Variants in SRF observed in about 807,000 individuals in gnomAD.
SRF encodes the protein c-fos serum response element-binding transcription factor.
SRF carries 7 observed loss-of-function variants against 37.1 expected under a neutral mutation model. The ratio of observed to expected loss-of-function variants is 0.19; its 90% confidence interval spans 0.11 to 0.35. SRF has a LOEUF of 0.35. SRF is among the 10% of genes least tolerant of loss of function. The probability of loss-of-function intolerance (pLI) is 1.00; values close to 1 mark genes in which losing one functional copy is unlikely to be tolerated. For synonymous variants in SRF, 285 were observed against 310.1 expected, an observed-to-expected ratio of 0.92 and a Z score of 0.85; for missense variants, 395 against 694.4, an observed-to-expected ratio of 0.57 and a Z score of 4.85.
chr6:43,176,783 T>C lies in SRF; in HGVS notation c.1162+116T>C, dbSNP rs920734477. The C allele has an allele frequency of 3.1e-5, 45 of 1,451,448 alleles. No individual in the cohort carries two copies. The highest frequency in any genetic ancestry group is 4.0e-5 in the Non-Finnish European group (43 of 1,069,208). The allele number at this position is 1,451,448 out of a possible 1,614,324, so 89.9% of individuals were successfully genotyped here. ...GTCAGGGGATTTCTTAAAGTGGAGA[T>C]TGAGGCTTTGGGCCTAATAATTATG... On this transcript the variant is annotated intron_variant, in intron 4 of 6. Transcript: ENST00000265354. This position sits in a 1 kb window ranked among gnomAD's most constrained non-coding sequence, Gnocchi z 4.0.
chr6:43,174,611 G>A (rs777649514), intron 2 of SRF, among the ~76,000 whole-genome samples: 12 of 152,246 alleles, frequency 7.9e-5, no homozygotes, highest in Admixed American at 2.0e-4. Flanking sequence ...CCTGCTGCTA[G>A]GGATGCCTGC....
chr6:43,181,279 G>A lies in SRF; in HGVS notation c.*2089G>A, dbSNP rs1772332575. The A allele has an allele frequency of 6.5e-6, 1 of 152,914 alleles. No homozygotes were observed. Among genetic ancestry groups the A allele is most frequent in the Non-Finnish European group, 1.5e-5 (1 of 68,172 alleles). The allele number at this position is 152,914 out of a possible 1,614,324, so 9.5% of individuals were successfully genotyped here. ...AGTTGAGGTGATATTTTTATGTGCA[G>A]CGACCCTTGGTGTTTCCCTTCCTCG... On this transcript the variant is annotated 3_prime_UTR_variant, in exon 7 of 7. Coordinates refer to ENST00000265354, the MANE Select transcript of SRF (RefSeq NM_003131.4).
chr6:43,176,009 C>A lies in SRF; in HGVS notation c.1042+42C>A, dbSNP rs751251776. 1.9e-6 allele frequency: 3 copies of A among 1,596,160 alleles called. No individual in the cohort carries two copies. The highest frequency in any genetic ancestry group is 1.1e-5 in the South Asian group (1 of 90,680). The stretch of plus-strand genomic sequence containing the variant: ...AGGGAGAGATTCGTCCTTCCTGGGG[C>A]AAATCAAGCATGCTAAGAGTGTGTT... On this transcript the variant is annotated intron_variant, in intron 3 of 6. Transcript: ENST00000265354. This position sits in a 1 kb window ranked among gnomAD's most constrained non-coding sequence, Gnocchi z 4.0.
chr6:43,178,663 G>A lies in SRF; in HGVS notation c.1355-143G>A. 1 of 1,207,728 alleles carries A rather than the reference G, an allele frequency of 8.3e-7. No homozygotes were observed. Among genetic ancestry groups the A allele is most frequent in the Non-Finnish European group, 1.2e-6 (1 of 830,504 alleles). The allele number at this position is 1,207,728 out of a possible 1,614,324, so 74.8% of individuals were successfully genotyped here. On this transcript the variant is annotated intron_variant, in intron 5 of 6. Coordinates refer to ENST00000265354, the MANE Select transcript of SRF (RefSeq NM_003131.4). This position sits in a 1 kb window ranked among gnomAD's most constrained non-coding sequence, Gnocchi z 4.3. ...CCCACTTGGACACTCACACCCGCAT[G>A]CACCCTCAGACACACTGGCACCCTT...
In SRF at chr6:43,180,076, G is replaced by A. The variant is rs1189728570; in HGVS notation, c.*886G>A. The A allele has an allele frequency of 6.6e-5, 10 of 152,104 alleles. No homozygotes were observed. Among genetic ancestry groups the A allele is most frequent in the African/African-American group, 9.7e-5 (4 of 41,418 alleles). The allele number at this position is 152,104 out of a possible 1,614,324, so 9.4% of individuals were successfully genotyped here. ...GGGGACAGAGCCACCCCATGAGCTCGGGGTCCACCAGTGTGTGGGGGAGAT... is the reference window on the plus strand; with the variant it reads ...GGGGACAGAGCCACCCCATGAGCTCAGGGTCCACCAGTGTGTGGGGGAGAT... On this transcript the variant is annotated 3_prime_UTR_variant, in exon 7 of 7. Coordinates refer to ENST00000265354, the MANE Select transcript of SRF (RefSeq NM_003131.4).
At chr6:43,177,798 C>T (rs1382923549) in intron 4 of SRF, among the ~76,000 whole-genome samples, 1 of 151,226 alleles carries the variant, frequency 6.6e-6, no homozygotes, top group African/African-American at 2.4e-5. Flanking sequence ...ATCTGTAGTC[C>T]CAGCTACTCG....
At position 43,181,327 on chromosome 6, in the gene SRF, T is replaced by A. The variant is rs1430607489; in HGVS notation, c.*2137T>A. The A allele has an allele frequency of 6.5e-6, 1 of 152,826 alleles. No homozygotes were observed. The highest frequency in any genetic ancestry group is 2.4e-5 in the African/African-American group (1 of 41,370). The allele number at this position is 152,826 out of a possible 1,614,324, so 9.5% of individuals were successfully genotyped here. A position where few individuals can be genotyped will look rare whatever the true frequency, so the allele number is the denominator to read the frequency against. ...TCGGTGGCTCTGGGGTATGTGTGTG[T>A]GGGTGTGTGCGCCTGAGTGAGTGTG... On this transcript the variant is annotated 3_prime_UTR_variant, in exon 7 of 7. Coordinates refer to ENST00000265354, the MANE Select transcript of SRF (RefSeq NM_003131.4).
chr6:43,177,697 C>T (rs1313473186), intron 4 of SRF, among the ~76,000 whole-genome samples: 3 of 150,964 alleles, frequency 2.0e-5, no homozygotes, highest in African/African-American at 2.4e-5. Flanking sequence ...GGGCAGATCA[C>T]GAGGTCAGGA....
Position 43,171,715 on chromosome 6 carries a change from G to A in SRF, c.59G>A (p.Gly20Asp). The change falls in exon 1 of 7, where the codon GGC (glycine) becomes GAC (aspartate). Residue 20 changes from glycine to aspartate, a missense_variant. By Grantham distance (94) the Gly-to-Asp change is moderately conservative (BLOSUM62 -1). Coordinates refer to ENST00000265354, the MANE Select transcript of SRF (RefSeq NM_003131.4). This position sits in a 1 kb window ranked among gnomAD's most constrained non-coding sequence, Gnocchi z 6.5. ...CTGGGCCGGGGCTCGGCCCTGGGGGGCAGCCTGAACCGGACCCCGACGGGG... is the reference window on the plus strand; with the variant it reads ...CTGGGCCGGGGCTCGGCCCTGGGGGACAGCCTGAACCGGACCCCGACGGGG... ...AALGRGSALG[G>D]SLNRTPTGRP... 1.7e-6 allele frequency: 2 copies of A among 1,205,766 alleles called. No homozygotes were observed. Among genetic ancestry groups the A allele is most frequent in the Non-Finnish European group, 1.0e-6 (1 of 970,472 alleles). The allele number at this position is 1,205,766 out of a possible 1,614,324, so 74.7% of individuals were successfully genotyped here. A position where few individuals can be genotyped will look rare whatever the true frequency, so the allele number is the denominator to read the frequency against.
chr6:43,174,190 AG>A (rs1262605682), intron 2 of SRF, 77 bp downstream of exon 2: 1 of 1,546,636 alleles, frequency 6.5e-7, no homozygotes, highest in Non-Finnish European at 8.8e-7. Flanking sequence ...ACAGGTGGAT[AG>A]GTGCCCACCG....
intron 2 of SRF, 44 bp from the exon 3 acceptor site, chr6:43,175,662 G>A (rs1185059993): frequency 6.2e-7 from 1 of 1,606,050 alleles, no homozygotes; most frequent in East Asian, 2.2e-5. Flanking sequence ...TGCAAAGGCA[G>A]GATCTGGTAG....
At position 43,171,703 on chromosome 6, in the gene SRF, C is replaced by A; in HGVS notation, c.47C>A (p.Ser16Ter). ...GCCGCGGCGGCTCTGGGCCGGGGCT[C>A]GGCCCTGGGGGGCAGCCTGAACCGG... ...AGAAAALGRG[S>*]ALGGSLNRTP... The change falls in exon 1 of 7, where the codon TCG becomes TAG. Residue 16 changes from serine (S) to a stop codon, truncating the protein, a stop_gained. Transcript: ENST00000265354. LOFTEE classifies it high-confidence loss of function. This position sits in a 1 kb window ranked among gnomAD's most constrained non-coding sequence, Gnocchi z 6.5. 1 of 1,206,864 alleles carries A rather than the reference C, an allele frequency of 8.3e-7. No individual in the cohort carries two copies. Among genetic ancestry groups the A allele is most frequent in the East Asian group, 3.4e-5 (1 of 29,394 alleles). 74.8% of individuals were successfully genotyped at this position (1,206,864 alleles called of 1,614,324 possible).
chr6:43,177,226 C>CTTTTTTTTTT (rs1562000896), intron 4 of SRF, among the ~76,000 whole-genome samples: 3 of 109,342 alleles, frequency 2.7e-5, no homozygotes, highest in Non-Finnish European at 5.1e-5. Flanking sequence ...GAATCGGAGT[C>CTTTTTTTTTT]TGTTTTTTTT....
chr6:43,172,196 C>T lies in SRF; in HGVS notation c.513+27C>T. 1 of 1,598,560 alleles carries T rather than the reference C, an allele frequency of 6.3e-7. No homozygotes were observed. Among genetic ancestry groups the T allele is most frequent in the Non-Finnish European group, 8.5e-7 (1 of 1,176,420 alleles). ...TACCAAGCCGGGGGGCTGGCCGGCC[C>T]CGGGGCCCGGTTGGGGTGGGGATGT... On this transcript the variant is annotated intron_variant, in intron 1 of 6. Coordinates refer to ENST00000265354, the MANE Select transcript of SRF (RefSeq NM_003131.4). This position sits in a 1 kb window ranked among gnomAD's most constrained non-coding sequence, Gnocchi z 5.7.
chr6:43,179,270 C>A lies in SRF; in HGVS notation c.*80C>A. 6.8e-7 allele frequency: 1 copy of A among 1,481,398 alleles called. No homozygotes were observed. 91.8% of individuals were successfully genotyped at this position (1,481,398 alleles called of 1,614,324 possible). ...TGCCTTTTCACGTTTTCTTTACACA[C>A]ACGTTGACGGGCCGCAGGAGGGAGG... is the stretch of plus-strand genomic sequence containing the variant. On this transcript the variant is annotated 3_prime_UTR_variant, in exon 7 of 7. Coordinates refer to ENST00000265354, the MANE Select transcript of SRF (RefSeq NM_003131.4). The surrounding 1 kb of genome is among the most constrained non-coding windows in gnomAD (Gnocchi z 5.3).
In SRF at chr6:43,171,385, G is replaced by T. The variant is rs1772091064; in HGVS notation, c.-272G>T. 8.9e-6 allele frequency: 2 copies of T among 224,040 alleles called. No homozygotes were observed. The highest frequency in any genetic ancestry group is 1.8e-4 in the South Asian group (1 of 5,554). The allele number at this position is 224,040 out of a possible 1,614,324, so 13.9% of individuals were successfully genotyped here. On this transcript the variant is annotated 5_prime_UTR_variant, in exon 1 of 7. Transcript: ENST00000265354. This position sits in a 1 kb window ranked among gnomAD's most constrained non-coding sequence, Gnocchi z 6.5. ...CGCGGCCAGCAGCCCCTGCCCCCCG[G>T]GGGACGCTGACGGCCGCCCGGCGCG...
In SRF at chr6:43,175,887, C is replaced by CTGTGCTGAA; in HGVS notation, c.963_971dup (p.Leu323_Lys324insAsnValLeu). ...AGTGCTGTCAGCAGTGCCAATGGGA[C>CTGTGCTGAA]TGTGCTGAAGAGTACAGGCAGCGGC... On this transcript the variant is annotated inframe_insertion, in exon 3 of 7. Transcript: ENST00000265354. The CTGTGCTGAA allele has an allele frequency of 1.9e-6, 3 of 1,614,220 alleles. No homozygotes were observed. Among genetic ancestry groups the CTGTGCTGAA allele is most frequent in the Non-Finnish European group, 1.7e-6 (2 of 1,180,030 alleles).
In SRF at chr6:43,173,749, G is replaced by A; in HGVS notation, c.514-98G>A. The A allele has an allele frequency of 1.4e-6, 2 of 1,462,320 alleles. No individual in the cohort carries two copies. The highest frequency in any genetic ancestry group is 9.2e-7 in the Non-Finnish European group (1 of 1,085,534). The allele number at this position is 1,462,320 out of a possible 1,614,324, so 90.6% of individuals were successfully genotyped here. A position where few individuals can be genotyped will look rare whatever the true frequency, so the allele number is the denominator to read the frequency against. ...TAGAGACGAAGGTCATTATGGGAATGGGGGAATGACATCACTGTATAATTC... is the reference window on the plus strand; with the variant it reads ...TAGAGACGAAGGTCATTATGGGAATAGGGGAATGACATCACTGTATAATTC... On this transcript the variant is annotated intron_variant, in intron 1 of 6. Transcript: ENST00000265354. The surrounding 1 kb of genome is among the most constrained non-coding windows in gnomAD (Gnocchi z 4.2).
In SRF at chr6:43,174,026, A is replaced by C. The variant is rs769802191; in HGVS notation, c.693A>C (p.Thr231=). Residue 231 remains threonine, a synonymous_variant, in exon 2 of 7, where the codon ACA becomes ACC. Transcript: ENST00000265354. ...SPDSPPRSDP[T]TDQRMSATGF... ...ACTCTCCACCCCGTTCAGACCCCAC[A>C]ACAGACCAGAGAATGAGTGCCACTG... 1.8e-5 allele frequency: 29 copies of C among 1,613,978 alleles called. 1 individual carries two copies. In the South Asian group the frequency reaches 3.0e-4, roughly 16 times the overall value.
Sources: gnomAD v4.1 joint callset for allele counts (sites outside exome capture counted in the v4.1 genomes callset) on GRCh38, gnomAD v4.1.1 for gene constraint, Gnocchi (gnomAD v3.1) non-coding constraint, MANE v1.5 for transcripts, NCBI Gene and HGNC (gene_info 2026-07-23, HGNC 2026-07-21) for gene names.